The following EED variants were observed in gnomAD, a reference collection of about 807,000 sequenced individuals.
The protein encoded by EED is embryonic ectoderm development.
A neutral mutation model predicts 61.0 loss-of-function variants in EED; 9 were observed. The ratio of observed to expected loss-of-function variants is 0.15; its 90% CI spans 0.09 to 0.26. The LOEUF (loss-of-function observed/expected upper bound fraction) is 0.26, where lower values mean the gene tolerates loss of function less well. Among genes scored for constraint, EED ranks in the 10% least tolerant of loss-of-function variants. The probability of loss-of-function intolerance (pLI) is 1.00; values close to 1 mark genes in which losing one functional copy is unlikely to be tolerated. For missense variants in EED, 315 were observed against 542.3 expected, an observed-to-expected ratio of 0.58 and a Z score of 4.16; for synonymous variants, 187 against 174.4, an observed-to-expected ratio of 1.07 and a Z score of -0.57.
chr11:86,255,356 T>C (rs554406282), intron 4 of EED, 69 bp downstream of exon 4: 2 of 1,239,850 alleles, frequency 1.6e-6, no homozygotes, highest in Admixed American at 2.1e-5. Flanking sequence ...ACCAAAACTT[T>C]TATAAATTAA....
downstream of EED, among the ~76,000 whole-genome samples, chr11:86,283,379 G>C (rs1456994421): frequency 3.3e-5 from 5 of 152,202 alleles, 1 homozygote; most frequent in South Asian, 4.1e-4. Context: ...CTTCCTCTCT[G>C]TACTTTCTCC....
intron 4 of EED, among the ~76,000 whole-genome samples, chr11:86,255,681 T>C (rs1184608608): frequency 6.6e-6 from 1 of 151,888 alleles, no homozygotes; most frequent in Non-Finnish European, 1.5e-5. Flanking sequence ...TTGTGACTGG[T>C]AGTCATTCTA....
At chr11:86,259,802 C>T (rs549813131) in intron 6 of EED, among the ~76,000 whole-genome samples, 2 of 152,202 alleles carry the variant, frequency 1.3e-5, no homozygotes, top group South Asian at 2.1e-4. Context: ...AATGAAATAC[C>T]ACTTCACACC....
chr11:86,245,399 T>C, intron 1 of EED, 56 bp downstream of exon 1: 2 of 1,313,058 alleles, frequency 1.5e-6, no homozygotes, highest in Non-Finnish European at 2.1e-6. Context: ...TAAATTCTTT[T>C]AAAACGGGGG....
chr11:86,263,181 C>T (rs916831594), intron 6 of EED, among the ~76,000 whole-genome samples: 1 of 152,190 alleles, frequency 6.6e-6, no homozygotes, highest in Non-Finnish European at 1.5e-5. Context: ...AGACCAACCT[C>T]ATTCTGTCTG....
the EED span, among the ~76,000 whole-genome samples, chr11:86,286,896 C>T: frequency 2.2e-5 from 3 of 136,870 alleles, no homozygotes; most frequent in African/African-American, 5.3e-5. Context: ...GGTGTGAACC[C>T]GGGAGGTGGA....
intron 1 of EED, among the ~76,000 whole-genome samples, chr11:86,246,758 A>G (rs1045318034): frequency 6.6e-6 from 1 of 152,228 alleles, no homozygotes; most frequent in African/African-American, 2.4e-5. Flanking sequence ...AGATTAGAGT[A>G]TTAAGAGCAC....
downstream of EED, chr11:86,278,816 G>C (rs1016929231): frequency 2.8e-5 from 7 of 251,822 alleles, no homozygotes; most frequent in Non-Finnish European, 7.6e-6. Flanking sequence ...TTTTATAATG[G>C]TTGTTTTTTG....
chr11:86,257,923 C>T (rs1396695914), intron 6 of EED, among the ~76,000 whole-genome samples: 1 of 152,148 alleles, frequency 6.6e-6, no homozygotes, highest in Non-Finnish European at 1.5e-5. Flanking sequence ...CTTTCCTTTA[C>T]GTCTCGGAGA....
At chr11:86,281,819 G>C (rs1946327695), downstream of EED, among the ~76,000 whole-genome samples, 1 of 152,242 alleles carries the variant, frequency 6.6e-6, no homozygotes. Flanking sequence ...ACTGTGCCAG[G>C]CTTTCAAGAC....
At chr11:86,274,931 C>G (rs1946194023) in intron 9 of EED, among the ~76,000 whole-genome samples, 2 of 152,166 alleles carry the variant, frequency 1.3e-5, no homozygotes, top group Admixed American at 1.3e-4. Flanking sequence ...ACAGATTTTT[C>G]TAGGGTGTTT....
At chr11:86,285,683 C>T in the EED span, among the ~76,000 whole-genome samples, 8 of 151,994 alleles carry the variant, frequency 5.3e-5, no homozygotes, top group Non-Finnish European at 1.2e-4. Flanking sequence ...CTGCAACTTC[C>T]GCCTCCCAGT....
chr11:86,249,115 A>G (rs1025176555), intron 1 of EED, among the ~76,000 whole-genome samples: 1 of 152,228 alleles, frequency 6.6e-6, no homozygotes, highest in Non-Finnish European at 1.5e-5. Context: ...ATTGTTTTCT[A>G]CGTTTGATGT....
intron 6 of EED, among the ~76,000 whole-genome samples, chr11:86,258,929 C>T (rs747344764): frequency 1.3e-5 from 2 of 151,764 alleles, no homozygotes; most frequent in African/African-American, 4.8e-5. Flanking sequence ...TGCAATGGCT[C>T]TATCTCGGCT....
rs199562674 is a variant in EED at position 86,278,428 on chromosome 11, G to C, written c.1229G>C (p.Gly410Ala). ...ACAACACTGACTCATCATAAATGTGGTGCTGCTATTCGACAAACCAGTTTT... is the reference window on the plus strand; with the variant it reads ...ACAACACTGACTCATCATAAATGTGCTGCTGCTATTCGACAAACCAGTTTT... ...KCTTLTHHKC[G>A]AAIRQTSFSR... The change falls in exon 12 of 12, where the codon GGT (glycine) becomes GCT (alanine). Residue 410 changes from glycine to alanine, a missense_variant. This residue lies in a region of EED where 205 missense variants were observed against 455.4 expected (regional missense o/e 0.45). Coordinates refer to ENST00000263360, the MANE Select transcript of EED (RefSeq NM_003797.5). 6 of 1,613,462 alleles carry C rather than the reference G, an allele frequency of 3.7e-6. No homozygotes were observed. In the Admixed American group the frequency reaches 8.3e-5, roughly 22 times the overall value.
downstream of EED, among the ~76,000 whole-genome samples, chr11:86,280,468 C>T (rs1172509533): frequency 1.3e-5 from 2 of 152,112 alleles, no homozygotes; most frequent in Non-Finnish European, 2.9e-5. Context: ...TATCCAGAGG[C>T]CCCAGTCACC....
chr11:86,282,500 A>C (rs2138248563), downstream of EED, among the ~76,000 whole-genome samples: 1 of 152,160 alleles, frequency 6.6e-6, no homozygotes, highest in Non-Finnish European at 1.5e-5. Context: ...GATTTTTGCT[A>C]TTATAGGTAG....
intron 6 of EED, chr11:86,263,858 A>G (rs1344360231): frequency 4.6e-6 from 1 of 219,566 alleles, no homozygotes; most frequent in Non-Finnish European, 9.0e-6. Context: ...TTTTATAATC[A>G]GTATTAATCC....
At chr11:86,262,738 T>C (rs1290662871) in intron 6 of EED, among the ~76,000 whole-genome samples, 1 of 151,830 alleles carries the variant, frequency 6.6e-6, no homozygotes, top group Non-Finnish European at 1.5e-5. Context: ...CTCGAATTCC[T>C]GAGCTCAAGT....
Sources: allele counts gnomAD v4.1 joint callset (sites outside exome capture counted in the v4.1 genomes callset), GRCh38; gene constraint gnomAD v4.1.1; regional missense constraint gnomAD v4.1.1; transcripts MANE v1.5; gene names NCBI Gene and HGNC (gene_info 2026-07-23, HGNC 2026-07-21).